The following CEP295 variants were observed in gnomAD, a reference collection of about 807,000 sequenced individuals.
CEP295 encodes the protein centrosomal protein of 295 kDa.
CEP295 carries 190 observed loss-of-function variants against 291.6 expected under a neutral mutation model. The ratio of observed to expected loss-of-function variants is 0.65; its 90% confidence interval spans 0.58 to 0.73. The LOEUF is 0.73. CEP295 is among the 30% of genes least tolerant of loss of function. The pLI, the probability that CEP295 is intolerant of heterozygous loss-of-function variation, is 0.00. For missense variants in CEP295, 2,863 were observed against 2,949.4 expected, an observed-to-expected ratio of 0.97 and a Z score of 0.68; for synonymous variants, 993 against 1,038.8, an observed-to-expected ratio of 0.96 and a Z score of 0.85.
At position 93,698,142 on chromosome 11, in the gene CEP295, C is replaced by T; in HGVS notation, c.3230C>T (p.Ala1077Val). Residue 1077 changes from alanine (A) to valine (V), a missense_variant, in exon 15 of 30, where the codon GCT becomes GTT. By Grantham distance (64) the Ala-to-Val change is moderately conservative. Coordinates refer to ENST00000325212, the MANE Select transcript of CEP295 (RefSeq NM_033395.2). ...GATACTCTTCAGGCTAGGCATGAAG[C>T]TCAGGTGGAATTACTTTTACATAGA... ...QRDTLQARHEAQVELLLHRQR... is the reference protein window; with the variant it reads ...QRDTLQARHEVQVELLLHRQR... The T allele has an allele frequency of 1.3e-6, 2 of 1,552,186 alleles. No homozygotes were observed. The highest frequency in any genetic ancestry group is 1.7e-6 in the Non-Finnish European group (2 of 1,147,096).
At chr11:93,663,179 G>C (rs1245206143) in intron 1 of CEP295, among the ~76,000 whole-genome samples, 1 of 152,130 alleles carries the variant, frequency 6.6e-6, no homozygotes, top group Non-Finnish European at 1.5e-5. Flanking sequence ...GCTTCCCATG[G>C]GCTGCTCCTA....
intron 18 of CEP295, among the ~76,000 whole-genome samples, chr11:93,720,836 A>G (rs1953660195): frequency 6.6e-6 from 1 of 152,066 alleles, no homozygotes; most frequent in Admixed American, 6.6e-5. Context: ...CACTCAAGCG[A>G]TCCACCTGCC....
At chr11:93,694,173 C>T (rs1013436869) in intron 12 of CEP295, among the ~76,000 whole-genome samples, 1 of 152,194 alleles carries the variant, frequency 6.6e-6, no homozygotes, top group Admixed American at 6.5e-5. Flanking sequence ...TTCATTATCT[C>T]TAGTAGAAGT....
intron 1 of CEP295, 131 bp downstream of exon 1, chr11:93,661,905 C>T (rs1458080780): frequency 6.5e-6 from 1 of 152,732 alleles, no homozygotes. Flanking sequence ...AGGTACGGCT[C>T]GCGTTTCTCA....
In CEP295 at chr11:93,723,091, AAAG is replaced by A; in HGVS notation, c.6003_6005del (p.Glu2003del). On this transcript the variant is annotated inframe_deletion, in exon 21 of 30. Coordinates refer to ENST00000325212, the MANE Select transcript of CEP295 (RefSeq NM_033395.2). ...TAGCAAGCAAGAATCTACCACCAGT[AAAG>A]AAGAGGAAACAAATATTATAAGTTC... 3 of 1,551,262 alleles carry A rather than the reference AAAG, an allele frequency of 1.9e-6. No individual in the cohort carries two copies. Among genetic ancestry groups the A allele is most frequent in the Middle Eastern group, 1.7e-4 (1 of 5,992 alleles).
intron 9 of CEP295, 116 bp downstream of exon 9, chr11:93,684,244 G>C (rs1951114825): frequency 2.8e-6 from 2 of 721,770 alleles, no homozygotes; most frequent in Non-Finnish European, 4.5e-6. Context: ...GAGTAATACT[G>C]ATGGGAGCAG....
At chr11:93,675,777 A>G (rs1950659306) in intron 6 of CEP295, 111 bp downstream of exon 6, 2 of 541,772 alleles carry the variant, frequency 3.7e-6, no homozygotes, top group Non-Finnish European at 6.2e-6. Context: ...AATTTGGACA[A>G]TTGATAATAA....
intron 5 of CEP295, among the ~76,000 whole-genome samples, chr11:93,670,268 A>G (rs1944103): frequency 0.92 from 139,680 of 152,036 alleles, 64,982 homozygotes; most frequent in East Asian, 0.99. Context: ...TAATAAATTT[A>G]CATAAGATTA....
rs958500096 is a variant in CEP295 at position 93,727,327 on chromosome 11, T to C, written c.6851T>C (p.Leu2284Pro). The stretch of plus-strand genomic sequence containing the variant: ...AAGGAAAGTATGGGCTTTGAAGAAC[T>C]ATCAAAAAGAGGGGTTGTTACAATG... ...SRKESMGFEE[L>P]SKRGVVTMLQ... Residue 2284 changes from leucine to proline, a missense_variant, in exon 24 of 30, where the codon CTA becomes CCA. Leu to Pro is a moderately conservative substitution (Grantham distance 98). Transcript: ENST00000325212. 6.4e-7 allele frequency: 1 copy of C among 1,551,352 alleles called. No homozygotes were observed. Among genetic ancestry groups the C allele is most frequent in the Non-Finnish European group, 8.7e-7 (1 of 1,146,884 alleles).
Position 93,730,038 on chromosome 11 carries a change from A to G in CEP295, c.7668-11A>G. The G allele has an allele frequency of 2.6e-6, 4 of 1,527,656 alleles. No individual in the cohort carries two copies. Among genetic ancestry groups the G allele is most frequent in the Non-Finnish European group, 3.5e-6 (4 of 1,138,260 alleles). The allele number at this position is 1,527,656 out of a possible 1,614,324, so 94.6% of individuals were successfully genotyped here. ...AGTGTTTGTCTCTAATTCTATATAA[A>G]TTCTTTACAGGTTATACAATCAACT... On this transcript the variant is annotated splice_polypyrimidine_tract_variant and intron_variant, in intron 28 of 29. Coordinates refer to ENST00000325212, the MANE Select transcript of CEP295 (RefSeq NM_033395.2).
rs78294846 is a variant in CEP295, at chr11:93,674,877, G to A, written c.529-694G>A. ...GGGCCATTATTTTATTTTACTTCTC[G>A]TTGTCGTTCACAGTGCCTTGTGTAA... On this transcript the variant is annotated intron_variant, in intron 5 of 29. Coordinates refer to ENST00000325212, the MANE Select transcript of CEP295 (RefSeq NM_033395.2). Among the ~76,000 whole-genome samples the A allele has an allele frequency of 5.1e-3, 776 of 152,232 alleles. 11 individuals are homozygous for A. Among genetic ancestry groups the A allele is most frequent in the African/African-American group, 0.017 (712 of 41,556 alleles).
At chr11:93,729,193 G>C in intron 25 of CEP295, 1 of 572,768 alleles carries the variant, frequency 1.7e-6, no homozygotes, top group Non-Finnish European at 3.1e-6. Flanking sequence ...TCTAAACAGA[G>C]GCCTAGAGGT....
At chr11:93,671,748 TG>T (rs747785067) in intron 5 of CEP295, among the ~76,000 whole-genome samples, 8 of 152,190 alleles carry the variant, frequency 5.3e-5, no homozygotes, top group Non-Finnish European at 1.0e-4. Flanking sequence ...AGCTAGGTTG[TG>T]GGGTATTTGG....
intron 8 of CEP295, 24 bp from the exon 9 acceptor site, chr11:93,683,940 G>A (rs1007171036): frequency 1.8e-5 from 28 of 1,535,830 alleles, no homozygotes; most frequent in East Asian, 2.5e-5. Context: ...GAATGGAAAC[G>A]TGTCTCTATT....
chr11:93,682,522 C>T (rs1054367722), intron 7 of CEP295, among the ~76,000 whole-genome samples: 1 of 152,052 alleles, frequency 6.6e-6, no homozygotes, highest in Non-Finnish European at 1.5e-5. Context: ...CTGTGCCTGG[C>T]CCATTACCAT....
In CEP295 at chr11:93,694,291, A is replaced by G. The variant is rs189733829; in HGVS notation, c.1534-1206A>G. ...AGTAGTCCCTGCTTATCCACAGTGT[A>G]TATGTTCCAGGACCCCTAGTGGATG... On this transcript the variant is annotated intron_variant, in intron 12 of 29. Transcript: ENST00000325212. Among the ~76,000 whole-genome samples, 743 of 152,312 alleles carry G rather than the reference A, an allele frequency of 4.9e-3. 14 individuals are homozygous for G. The highest frequency in any genetic ancestry group is 0.017 in the African/African-American group (697 of 41,564).
chr11:93,679,565 T>C lies in CEP295; in HGVS notation c.765+13T>C. 1.3e-6 allele frequency: 2 copies of C among 1,549,698 alleles called. No individual in the cohort carries two copies. Among genetic ancestry groups the C allele is most frequent in the Non-Finnish European group, 1.7e-6 (2 of 1,145,856 alleles). Reference sequence around the variant, plus strand: ...CCATTTGGCTCAAGTAAGACTTATATTCTACCCATGACCATTACTCATGGA... The same window carrying C: ...CCATTTGGCTCAAGTAAGACTTATACTCTACCCATGACCATTACTCATGGA... On this transcript the variant is annotated intron_variant, in intron 7 of 29. Transcript: ENST00000325212.
At chr11:93,701,370 T>A (rs1011363020) in intron 15 of CEP295, among the ~76,000 whole-genome samples, 2 of 152,044 alleles carry the variant, frequency 1.3e-5, no homozygotes, top group African/African-American at 4.8e-5. Context: ...CTCAAAAAAA[T>A]AAATAAATGA....
rs551262551 is a variant in CEP295, at chr11:93,696,414, A to G, written c.1766A>G (p.Asn589Ser). 8 of 1,519,996 alleles carry G rather than the reference A, an allele frequency of 5.3e-6. No individual in the cohort carries two copies. The South Asian group carries it at 8.4e-5, about 16-fold the overall frequency. 94.2% of individuals were successfully genotyped at this position (1,519,996 alleles called of 1,614,324 possible). Residue 589 changes from asparagine (N) to serine (S), a missense_variant, in exon 14 of 30, where the codon AAC becomes AGC. Transcript: ENST00000325212. ...TATCAACATCAGCTTTTACAACAAA[A>G]CAGGTATTAGCTAGGGTATAATTTA... ...RNYQHQLLQQ[N>S]RLHRQSVETA...
Sources: gnomAD v4.1 joint callset for allele counts (sites outside exome capture counted in the v4.1 genomes callset) on GRCh38, gnomAD v4.1.1 for gene constraint, MANE v1.5 for transcripts, NCBI Gene and HGNC (gene_info 2026-07-23, HGNC 2026-07-21) for gene names.